The following VPS13A variants were observed in gnomAD, a reference collection of about 807,000 sequenced individuals.
VPS13A encodes intermembrane lipid transfer protein VPS13A.
In VPS13A, 264 loss-of-function variants were observed where a neutral mutation model predicts 390.9. That is an observed-to-expected ratio of 0.68 (90% confidence interval 0.61 to 0.75). The LOEUF is 0.75. Among genes scored for constraint, VPS13A ranks in the 30% least tolerant of loss-of-function variants. The pLI is 0.00. For synonymous variants in VPS13A, 1,231 were observed against 1,227.1 expected (o/e 1.00, Z -0.07); for missense variants, 3,409 against 3,733.9 (o/e 0.91, Z 2.27).
At chr9:77,252,182 T>G in intron 21 of VPS13A, 53 bp from the exon 22 acceptor site, 1 of 1,389,260 alleles carries the variant, frequency 7.2e-7, no homozygotes, top group Non-Finnish European at 1.0e-6. Flanking sequence ...AATAGTTATT[T>G]TAGGTTTTGT....
intron 46 of VPS13A, among the ~76,000 whole-genome samples, chr9:77,336,406 G>A (rs1276362788): frequency 6.6e-6 from 1 of 151,724 alleles, no homozygotes; most frequent in Non-Finnish European, 1.5e-5. Flanking sequence ...ATATCATACT[G>A]ATGTTTAAAA....
Position 77,418,550 on chromosome 9 carries a change from T to C in VPS13A, c.*2544T>C, listed in dbSNP as rs1835242557. 6.6e-6 allele frequency: 1 copy of C among 152,232 alleles called. No individual in the cohort carries two copies. Among genetic ancestry groups the C allele is most frequent in the Non-Finnish European group, 1.5e-5 (1 of 68,046 alleles). 9.4% of individuals were successfully genotyped at this position (152,232 alleles called of 1,614,324 possible). On this transcript the variant is annotated 3_prime_UTR_variant, in exon 72 of 72. Coordinates refer to ENST00000360280, the MANE Select transcript of VPS13A (RefSeq NM_033305.3). ...GTCTTCCCTTTTAGAGTATACATATTTGCTGCTTTTCCTTTAGTGTTCACA... is the reference window on the plus strand; with the variant it reads ...GTCTTCCCTTTTAGAGTATACATATCTGCTGCTTTTCCTTTAGTGTTCACA...
chr9:77,391,614 C>T (rs922338014), intron 68 of VPS13A, among the ~76,000 whole-genome samples: 4 of 152,010 alleles, frequency 2.6e-5, no homozygotes, highest in Admixed American at 1.3e-4. Context: ...AAGAACCCTA[C>T]GGAAGCACTA....
At position 77,321,718 on chromosome 9, in the gene VPS13A, A is replaced by C. The variant is rs73654012; in HGVS notation, c.5802A>C (p.Leu1934=). The C allele has an allele frequency of 6.2e-7, 1 of 1,613,254 alleles. No individual in the cohort carries two copies. The highest frequency in any genetic ancestry group is 1.1e-5 in the South Asian group (1 of 91,028). ...DNDHFNAMTS[L]SSKLFFILLT... ...ATCATTTCAATGCAATGACCAGCCTAAGCAGCAAACTCTTCTTCATTCTTC... is the reference window on the plus strand; with the variant it reads ...ATCATTTCAATGCAATGACCAGCCTCAGCAGCAAACTCTTCTTCATTCTTC... Residue 1934 remains leucine (L), a synonymous_variant, in exon 44 of 72, where the codon CTA becomes CTC. Coordinates refer to ENST00000360280, the MANE Select transcript of VPS13A (RefSeq NM_033305.3).
intron 17 of VPS13A, among the ~76,000 whole-genome samples, chr9:77,231,033 G>T (rs1336535498): frequency 6.6e-6 from 1 of 151,898 alleles, no homozygotes; most frequent in Non-Finnish European, 1.5e-5. Context: ...TTTCATTTTG[G>T]ATTATTATGT....
Position 77,407,587 on chromosome 9 carries a change from A to T in VPS13A, c.9454A>T (p.Lys3152Ter). The T allele has an allele frequency of 6.2e-7, 1 of 1,612,650 alleles. No individual in the cohort carries two copies. The highest frequency in any genetic ancestry group is 8.5e-7 in the Non-Finnish European group (1 of 1,178,858). The change falls in exon 71 of 72, where the codon AAG (lysine) becomes TAG (stop). Residue 3152 changes from lysine (K) to a stop codon, truncating the protein, a stop_gained. Transcript: ENST00000360280. LOFTEE classifies it high-confidence loss of function. ...AREFGKIINF[K>*]TPEDARWILT... is the part of the protein sequence containing the mutation. ...AGAGTTTGGAAAAATAATTAACTTC[A>T]AGACCCCAGAGGATGCCAGGGTAAA...
chr9:77,410,695 G>T (rs1480264794), intron 71 of VPS13A, among the ~76,000 whole-genome samples: 1 of 152,116 alleles, frequency 6.6e-6, no homozygotes, highest in Non-Finnish European at 1.5e-5. Context: ...AAGAGACAAA[G>T]AAGGCCATTA....
At position 77,315,439 on chromosome 9, in the gene VPS13A, C is replaced by T. The variant is rs759455987; in HGVS notation, c.4599C>T (p.Thr1533=). ...EAYTTGTAVE[T]SVQTWTAKEE... Reference sequence around the variant, plus strand: ...ACACCACAGGCACTGCTGTAGAAACCAGTGTGCAAACATGGACTGCTAAGG... The same window carrying T: ...ACACCACAGGCACTGCTGTAGAAACTAGTGTGCAAACATGGACTGCTAAGG... Residue 1533 remains threonine, a synonymous_variant, in exon 38 of 72, where the codon ACC becomes ACT. Coordinates refer to ENST00000360280, the MANE Select transcript of VPS13A (RefSeq NM_033305.3). 1 of 1,613,794 alleles carries T rather than the reference C, an allele frequency of 6.2e-7. No individual in the cohort carries two copies. The highest frequency in any genetic ancestry group is 1.3e-5 in the African/African-American group (1 of 74,908).
chr9:77,221,703 C>T (rs897930550), intron 13 of VPS13A, among the ~76,000 whole-genome samples: 1 of 152,160 alleles, frequency 6.6e-6, no homozygotes, highest in African/African-American at 2.4e-5. Flanking sequence ...GTCACCACTA[C>T]ATTTTCCCTA....
chr9:77,315,269 G>A lies in VPS13A; in HGVS notation c.4429G>A (p.Val1477Ile), dbSNP rs775027166. 6.2e-7 allele frequency: 1 copy of A among 1,613,884 alleles called. No individual in the cohort carries two copies. Residue 1477 changes from valine to isoleucine, a missense_variant, in exon 38 of 72, where the codon GTT becomes ATT. Transcript: ENST00000360280. ...KATPRMIGLT[V>I]GFDKKDMMDI... ...GTTTTCCAGAATGATAGGACTGACA[G>A]TTGGTTTTGACAAAAAAGACATGAT... is the stretch of plus-strand genomic sequence containing the variant.
At chr9:77,357,867 T>C (rs1400286204) in intron 56 of VPS13A, 29 bp downstream of exon 56, 6 of 1,600,766 alleles carry the variant, frequency 3.7e-6, no homozygotes, top group African/African-American at 2.7e-5. Flanking sequence ...ATAGGCAAAA[T>C]TGTATTCTAA....
At chr9:77,363,862 C>T (rs1832286970) in intron 59 of VPS13A, among the ~76,000 whole-genome samples, 1 of 152,104 alleles carries the variant, frequency 6.6e-6, no homozygotes, top group African/African-American at 2.4e-5. Flanking sequence ...ACCTACTTTC[C>T]CCATCAGCAA....
At chr9:77,315,682 T>C (rs1049573145) in intron 38 of VPS13A, among the ~76,000 whole-genome samples, 1 of 152,132 alleles carries the variant, frequency 6.6e-6, no homozygotes, top group Non-Finnish European at 1.5e-5. Flanking sequence ...TTAAAAATTA[T>C]GAAACCTATG....
Position 77,201,524 on chromosome 9 carries a change from C to T in VPS13A, c.187+117C>T, listed in dbSNP as rs575039679. ...TTTCTGAGCATCAATTAAAAATAATCATGTGTTTTTGTCTCAGTAGAGCTT... is the reference window on the plus strand; with the variant it reads ...TTTCTGAGCATCAATTAAAAATAATTATGTGTTTTTGTCTCAGTAGAGCTT... On this transcript the variant is annotated intron_variant, in intron 3 of 71. Transcript: ENST00000360280. 9.2e-6 allele frequency: 9 copies of T among 974,070 alleles called. No homozygotes were observed. The South Asian group carries it at 1.2e-4, about 13-fold the overall frequency. The allele number at this position is 974,070 out of a possible 1,614,324, so 60.3% of individuals were successfully genotyped here. A position where few individuals can be genotyped will look rare whatever the true frequency, so the allele number is the denominator to read the frequency against.
chr9:77,371,063 T>C lies in VPS13A; in HGVS notation c.8991T>C (p.Gly2997=). Residue 2997 remains glycine, a synonymous_variant, in exon 67 of 72, where the codon GGT becomes GGC. Coordinates refer to ENST00000360280, the MANE Select transcript of VPS13A (RefSeq NM_033305.3). Reference sequence around the variant, plus strand: ...GAGGAGCAGCTGGTTTCTTTAAAGGTGTTGGGAAAGGTTTAGTAGGAGCGG... The same window carrying C: ...GAGGAGCAGCTGGTTTCTTTAAAGGCGTTGGGAAAGGTTTAGTAGGAGCGG... ...QKGGAAGFFK[G]VGKGLVGAVA... is the part of the protein sequence containing the mutation. 1 of 1,614,082 alleles carries C rather than the reference T, an allele frequency of 6.2e-7. No homozygotes were observed. The highest frequency in any genetic ancestry group is 8.5e-7 in the Non-Finnish European group (1 of 1,179,984).
intron 45 of VPS13A, among the ~76,000 whole-genome samples, chr9:77,323,768 A>G (rs750367651): frequency 2.0e-5 from 3 of 152,292 alleles, no homozygotes; most frequent in Admixed American, 6.5e-5. Flanking sequence ...TATATGGCCT[A>G]GGATTTTACA....
intron 10 of VPS13A, among the ~76,000 whole-genome samples, chr9:77,218,112 C>CTTTTT (rs1190614257): frequency 7.2e-6 from 1 of 138,214 alleles, no homozygotes; most frequent in Non-Finnish European, 1.6e-5. Flanking sequence ...TCTTTGCCCA[C>CTTTTT]TTTTTTTTTT....
Position 77,337,527 on chromosome 9 carries a change from A to G in VPS13A, c.6368A>G (p.Tyr2123Cys), listed in dbSNP as rs1227772758. 4 of 1,612,642 alleles carry G rather than the reference A, an allele frequency of 2.5e-6. No individual in the cohort carries two copies. The highest frequency in any genetic ancestry group is 2.7e-5 in the African/African-American group (2 of 74,996). Residue 2123 changes from tyrosine (Y) to cysteine (C), a missense_variant, in exon 47 of 72, where the codon TAT becomes TGT. Tyr to Cys is a radical substitution (Grantham distance 194). Transcript: ENST00000360280. ...LRNLLPYKIA[Y>C]YIEGIENSVF... The stretch of plus-strand genomic sequence containing the variant: ...AATCTTCTTCCTTACAAAATTGCTT[A>G]TTATATAGAGGTATCGGCAAACTGA...
chr9:77,301,957 A>ATT (rs397978087), intron 33 of VPS13A, among the ~76,000 whole-genome samples: 152 of 73,798 alleles, frequency 2.1e-3, no homozygotes, highest in African/African-American at 8.4e-3. Context: ...ACATAGAGAT[A>ATT]TTTTTTTTTT....
Sources: gnomAD v4.1 joint callset for allele counts (sites outside exome capture counted in the v4.1 genomes callset) on GRCh38, gnomAD v4.1.1 for gene constraint, MANE v1.5 for transcripts, NCBI Gene and HGNC (gene_info 2026-07-23, HGNC 2026-07-21) for gene names.